The following PCDH7 variants were observed in gnomAD, a reference collection of about 807,000 sequenced individuals.
PCDH7 encodes the protein protocadherin 7.
In PCDH7, 17 loss-of-function variants were observed where a neutral mutation model predicts 58.9. The ratio of observed to expected loss-of-function variants is 0.29; its 90% confidence interval spans 0.20 to 0.43. The LOEUF is 0.43. Ranked by LOEUF, PCDH7 falls within the 20% of genes least tolerant of loss-of-function variation. The pLI, the probability that PCDH7 is intolerant of heterozygous loss-of-function variation, is 1.00. For missense variants in PCDH7, 1,274 were observed against 1,441.0 expected (o/e 0.88, Z 1.88); for synonymous variants, 664 against 616.4 (o/e 1.08, Z -1.14).
intron 3 of PCDH7, among the ~76,000 whole-genome samples, chr4:31,024,665 A>G (rs1341060300): frequency 6.6e-6 from 1 of 152,218 alleles, no homozygotes; most frequent in South Asian, 2.1e-4. Context: ...CTATAGAGAT[A>G]TTATTCAGAG....
intron 1 of PCDH7, among the ~76,000 whole-genome samples, chr4:30,845,525 A>T (rs1244989634): frequency 6.6e-6 from 1 of 152,170 alleles, no homozygotes. Flanking sequence ...ACTTAAAAAC[A>T]CATGTTTTTA....
intron 3 of PCDH7, among the ~76,000 whole-genome samples, chr4:31,050,180 A>C (rs1756620778): frequency 1.3e-5 from 2 of 152,184 alleles, no homozygotes; most frequent in Admixed American, 6.5e-5. Flanking sequence ...CAGACAGAGA[A>C]GAGTACCCTC....
At chr4:30,738,710 ATATT>A (rs1383932363) in intron 1 of PCDH7, among the ~76,000 whole-genome samples, 1 of 152,218 alleles carries the variant, frequency 6.6e-6, no homozygotes, top group African/African-American at 2.4e-5. Flanking sequence ...GGCAATATTC[ATATT>A]TAGTCTTAAA....
chr4:31,093,733 C>A (rs1053740116), intron 3 of PCDH7, among the ~76,000 whole-genome samples: 1 of 152,076 alleles, frequency 6.6e-6, no homozygotes, highest in African/African-American at 2.4e-5. Flanking sequence ...TTTAATAATT[C>A]TTGGATCTTG....
chr4:30,795,482 T>TA (rs1450078269), intron 1 of PCDH7, among the ~76,000 whole-genome samples: 1 of 152,230 alleles, frequency 6.6e-6, no homozygotes, highest in Non-Finnish European at 1.5e-5. Flanking sequence ...GCTACTCACT[T>TA]ACTGGTTGAG....
At chr4:30,879,933 C>T (rs529710504) in intron 1 of PCDH7, among the ~76,000 whole-genome samples, 1 of 152,000 alleles carries the variant, frequency 6.6e-6, no homozygotes, top group Non-Finnish European at 1.5e-5. Context: ...GGAAAAATTA[C>T]CCTGATACAT....
intron 1 of PCDH7, among the ~76,000 whole-genome samples, chr4:30,840,859 C>T (rs998958901): frequency 5.9e-5 from 9 of 151,440 alleles, no homozygotes; most frequent in Admixed American, 2.0e-4. Flanking sequence ...TGTAAAAGGA[C>T]GTACAGTTGC....
chr4:30,998,820 A>G (rs1752116996), intron 3 of PCDH7, among the ~76,000 whole-genome samples: 2 of 152,124 alleles, frequency 1.3e-5, no homozygotes, highest in Non-Finnish European at 2.9e-5. Flanking sequence ...TACATGAGAT[A>G]AGATATATGA....
At chr4:30,836,283 A>G (rs138271434) in intron 1 of PCDH7, among the ~76,000 whole-genome samples, 150 of 152,352 alleles carry the variant, frequency 9.8e-4, no homozygotes, top group Non-Finnish European at 1.9e-3. Flanking sequence ...TGCACAGTTT[A>G]CTAGTGACAA....
chr4:30,791,063 G>A (rs1157950639), intron 1 of PCDH7, among the ~76,000 whole-genome samples: 6 of 152,140 alleles, frequency 3.9e-5, no homozygotes, highest in Non-Finnish European at 4.4e-5. Context: ...TATAATTTGT[G>A]TCAAAAAACA....
At chr4:30,997,705 G>A (rs917039349) in intron 3 of PCDH7, among the ~76,000 whole-genome samples, 5 of 152,094 alleles carry the variant, frequency 3.3e-5, no homozygotes, top group African/African-American at 1.2e-4. Flanking sequence ...CTTTAGTACA[G>A]TTTGGCATTA....
intron 3 of PCDH7, among the ~76,000 whole-genome samples, chr4:30,976,089 G>T (rs1750040406): frequency 6.6e-6 from 1 of 152,166 alleles, no homozygotes; most frequent in Admixed American, 6.5e-5. Context: ...TCTGATACAG[G>T]CTTGGTTTGT....
chr4:30,863,206 T>G (rs1366917835), intron 1 of PCDH7, among the ~76,000 whole-genome samples: 1 of 152,142 alleles, frequency 6.6e-6, no homozygotes, highest in Non-Finnish European at 1.5e-5. Flanking sequence ...GAAGATATTG[T>G]ATTGGTTTCC....
chr4:31,042,125 A>T (rs1755914963), intron 3 of PCDH7, among the ~76,000 whole-genome samples: 1 of 152,162 alleles, frequency 6.6e-6, no homozygotes, highest in Admixed American at 6.6e-5. Flanking sequence ...TAATGTAGAA[A>T]TGCAGAGCAC....
At chr4:30,942,833 T>C (rs974233957) in intron 2 of PCDH7, among the ~76,000 whole-genome samples, 1 of 151,918 alleles carries the variant, frequency 6.6e-6, no homozygotes, top group Admixed American at 6.6e-5. Flanking sequence ...AGCTGCAAGA[T>C]TCAGGTATAG....
intron 3 of PCDH7, among the ~76,000 whole-genome samples, chr4:30,994,759 G>T (rs948137993): frequency 6.6e-6 from 1 of 151,998 alleles, no homozygotes; most frequent in African/African-American, 2.4e-5. Context: ...TATTAAAAAA[G>T]ATACAATATT....
At chr4:30,795,181 A>G (rs1407153692) in intron 1 of PCDH7, among the ~76,000 whole-genome samples, 2 of 152,084 alleles carry the variant, frequency 1.3e-5, no homozygotes, top group African/African-American at 4.8e-5. Context: ...AGGTCTCACT[A>G]TGTTGCCCAG....
intron 3 of PCDH7, among the ~76,000 whole-genome samples, chr4:31,097,095 A>T (rs1244804310): frequency 1.3e-5 from 2 of 152,092 alleles, no homozygotes; most frequent in Admixed American, 6.6e-5. Flanking sequence ...TGCCATTGTG[A>T]CATCCATTAA....
intron 1 of PCDH7, among the ~76,000 whole-genome samples, chr4:30,894,349 A>T (rs890819935): frequency 6.7e-6 from 1 of 149,342 alleles, no homozygotes; most frequent in African/African-American, 2.4e-5. Flanking sequence ...AGGGTACACT[A>T]GTGAATGATA....
Sources: allele counts gnomAD v4.1 joint callset (sites outside exome capture counted in the v4.1 genomes callset), GRCh38; gene constraint gnomAD v4.1.1; transcripts MANE v1.5; gene names NCBI Gene and HGNC (gene_info 2026-07-23, HGNC 2026-07-21).